Variants in SULF2 observed in about 807,000 individuals in gnomAD.
The protein encoded by SULF2 is extracellular sulfatase Sulf-2.
In SULF2, 52 loss-of-function variants were observed where a neutral mutation model predicts 107.7. The ratio of observed to expected loss-of-function variants is 0.48; its 90% CI spans 0.39 to 0.61. SULF2 has a LOEUF of 0.61. Ranked by LOEUF, SULF2 falls within the 20% of genes least tolerant of loss-of-function variation. The pLI is 0.00. For synonymous variants in SULF2, 460 were observed against 464.3 expected, an observed-to-expected ratio of 0.99 and a Z score of 0.12; for missense variants, 993 against 1,177.3, an observed-to-expected ratio of 0.84 and a Z score of 2.29.
chr20:47,679,152 G>A (rs547228022), intron 7 of SULF2, among the ~76,000 whole-genome samples: 3 of 152,000 alleles, frequency 2.0e-5, no homozygotes, highest in African/African-American at 7.2e-5. Context: ...CCCTTCCCCT[G>A]AACCTCTGGG....
intron 2 of SULF2, among the ~76,000 whole-genome samples, chr20:47,756,762 C>T (rs956611655): frequency 6.6e-6 from 1 of 152,030 alleles, no homozygotes. Context: ...TCTTGTGCCC[C>T]AGTCTCCTCA....
At chr20:47,743,811 T>C (rs541360953) in intron 2 of SULF2, among the ~76,000 whole-genome samples, 91 of 152,334 alleles carry the variant, frequency 6.0e-4, no homozygotes, top group Admixed American at 1.3e-3. Context: ...TCCAGTCACA[T>C]TGACCTCCTC....
intron 11 of SULF2, among the ~76,000 whole-genome samples, chr20:47,667,171 T>A (rs1358239786): frequency 6.6e-6 from 1 of 152,168 alleles, no homozygotes; most frequent in Non-Finnish European, 1.5e-5. Flanking sequence ...AAAAGTATCA[T>A]GGATGTAAAA....
chr20:47,721,033 C>A (rs995953621), intron 3 of SULF2, among the ~76,000 whole-genome samples: 1 of 152,020 alleles, frequency 6.6e-6, no homozygotes, highest in African/African-American at 2.4e-5. Context: ...ATTAAATAAA[C>A]CCAGAGCTCC....
chr20:47,700,189 C>A (rs566750127), intron 4 of SULF2, among the ~76,000 whole-genome samples: 1 of 152,224 alleles, frequency 6.6e-6, no homozygotes, highest in Admixed American at 6.5e-5. Flanking sequence ...TCCTCCTTCT[C>A]CTCCTCATCA....
chr20:47,672,696 T>C (rs1252522627), intron 10 of SULF2: 1 of 262,448 alleles, frequency 3.8e-6, no homozygotes, highest in African/African-American at 2.3e-5. Context: ...AAAGGGCAAG[T>C]TGGATCATAT....
At chr20:47,761,615 C>A (rs13039288) in intron 1 of SULF2, among the ~76,000 whole-genome samples, 25,315 of 152,188 alleles carry the variant, frequency 0.17, 2,219 homozygotes, top group South Asian at 0.31. Context: ...CCCTCGCGCT[C>A]GCACTCTCTT....
chr20:47,672,942 C>G (rs973513083), intron 10 of SULF2, among the ~76,000 whole-genome samples: 1 of 152,204 alleles, frequency 6.6e-6, no homozygotes, highest in African/African-American at 2.4e-5. Context: ...CTGGAGGCTT[C>G]TCTTCCTTCC....
Position 47,702,700 on chromosome 20 carries a change from G to T in SULF2, c.416-30C>A, listed in dbSNP as rs763320389. On this transcript the variant is annotated intron_variant, in intron 3 of 20. Transcript: ENST00000688720. ...GGAGGGAGATGGATCAGGAGGCCAC[G>T]TGAGAAAGTGCCTGACGATGTTTAT... 9 of 1,609,552 alleles carry T rather than the reference G, an allele frequency of 5.6e-6. No homozygotes were observed. The African/African-American group carries it at 1.1e-4, about 19-fold the overall frequency.
At chr20:47,773,072 C>T (rs1299010165) in intron 1 of SULF2, among the ~76,000 whole-genome samples, 7 of 152,178 alleles carry the variant, frequency 4.6e-5, no homozygotes, top group Non-Finnish European at 1.0e-4. Context: ...CTATTTTAAG[C>T]ACTGAGCGGG....
intron 2 of SULF2, among the ~76,000 whole-genome samples, chr20:47,746,995 ATATAT>A (rs1456244256): frequency 9.2e-4 from 107 of 116,584 alleles, no homozygotes; most frequent in Non-Finnish European, 1.3e-3. Flanking sequence ...AAAAAAAAAA[ATATAT>A]ATATATATAT....
intron 4 of SULF2, among the ~76,000 whole-genome samples, chr20:47,699,130 CTG>C (rs142227880): frequency 2.0e-5 from 3 of 151,994 alleles, no homozygotes; most frequent in African/African-American, 7.3e-5. Flanking sequence ...TGTGATGTGA[CTG>C]TGTGTGTGTG....
rs185995649 is a variant in SULF2, at chr20:47,684,316, T to G, written c.888+115A>C. ...GGTCTAGCACATGGGGCCTCTTCAT[T>G]CTGCCTTTGATTTCTATTCCTCCAG... On this transcript the variant is annotated intron_variant, in intron 6 of 20. Transcript: ENST00000688720. 8.7e-3 allele frequency: 10,503 copies of G among 1,213,322 alleles called. 48 individuals carry two copies. Among genetic ancestry groups the G allele is most frequent in the Non-Finnish European group, 0.01 (9,439 of 900,548 alleles). The allele number at this position is 1,213,322 out of a possible 1,614,324, so 75.2% of individuals were successfully genotyped here. A position where few individuals can be genotyped will look rare whatever the true frequency, so the allele number is the denominator to read the frequency against.
At chr20:47,745,390 A>AGG (rs2089984260) in intron 2 of SULF2, among the ~76,000 whole-genome samples, 6 of 13,586 alleles carry the variant, frequency 4.4e-4, no homozygotes, top group African/African-American at 4.0e-3. Flanking sequence ...GGGAAAAAAA[A>AGG]AAAAAAAAAA....
intron 3 of SULF2, among the ~76,000 whole-genome samples, chr20:47,705,629 G>A (rs576114434): frequency 6.6e-6 from 1 of 152,270 alleles, no homozygotes; most frequent in African/African-American, 2.4e-5. Flanking sequence ...ACTTGGCAAT[G>A]TCTGGAGACA....
chr20:47,712,699 G>A (rs1183935417), intron 3 of SULF2, among the ~76,000 whole-genome samples: 1 of 152,104 alleles, frequency 6.6e-6, no homozygotes, highest in African/African-American at 2.4e-5. Flanking sequence ...CACACCCCTC[G>A]CCCAGGAGTG....
chr20:47,712,031 T>C (rs1016078077), intron 3 of SULF2, among the ~76,000 whole-genome samples: 4 of 152,298 alleles, frequency 2.6e-5, no homozygotes, highest in Admixed American at 2.6e-4. Context: ...AAAGCACATA[T>C]ACACACATAC....
intron 3 of SULF2, among the ~76,000 whole-genome samples, chr20:47,736,418 G>A (rs2089731085): frequency 6.6e-6 from 1 of 152,098 alleles, no homozygotes; most frequent in Admixed American, 6.5e-5. Context: ...TCATGCATGG[G>A]CACCTTATGG....
chr20:47,675,975 C>T (rs1377876922), intron 10 of SULF2, among the ~76,000 whole-genome samples: 1 of 152,196 alleles, frequency 6.6e-6, no homozygotes, highest in Non-Finnish European at 1.5e-5. Flanking sequence ...TCAAGCCATC[C>T]TCCCGCCTCA....
Sources: allele counts gnomAD v4.1 joint callset (sites outside exome capture counted in the v4.1 genomes callset), GRCh38; gene constraint gnomAD v4.1.1; transcripts MANE v1.5; gene names NCBI Gene and HGNC (gene_info 2026-07-23, HGNC 2026-07-21).